The following EVL variants were observed in gnomAD, a reference collection of about 807,000 sequenced individuals.
EVL encodes Enah/Vasp-like, also known as ena/VASP-like protein.
In EVL, 21 loss-of-function variants were observed where a neutral mutation model predicts 59.6. The ratio of observed to expected loss-of-function variants is 0.35; its 90% CI spans 0.25 to 0.51. EVL has a LOEUF of 0.51. Ranked by LOEUF, EVL falls within the 20% of genes least tolerant of loss-of-function variation. The probability of loss-of-function intolerance (pLI) is 0.97; values close to 1 mark genes in which losing one functional copy is unlikely to be tolerated. For missense variants in EVL, 462 were observed against 546.6 expected, an observed-to-expected ratio of 0.85 and a Z score of 1.54; for synonymous variants, 198 against 203.5, an observed-to-expected ratio of 0.97 and a Z score of 0.23.
chr14:100,106,703 G>A (rs763083908), intron 3 of EVL: 1 of 397,544 alleles, frequency 2.5e-6, no homozygotes, highest in Non-Finnish European at 4.4e-6. Flanking sequence ...AGGACCATCG[G>A]GCCTGAGAGG....
At chr14:99,983,097 G>A (rs552006474) in intron 1 of EVL, among the ~76,000 whole-genome samples, 1 of 152,282 alleles carries the variant, frequency 6.6e-6, no homozygotes, top group Non-Finnish European at 1.5e-5. Flanking sequence ...TATCTTCCAT[G>A]AGGATATGGG....
At chr14:100,094,808 G>A (rs1415238783) in intron 2 of EVL, among the ~76,000 whole-genome samples, 6 of 151,750 alleles carry the variant, frequency 4.0e-5, no homozygotes, top group South Asian at 2.1e-4. Context: ...TTGGGAGGCC[G>A]AGGCGGGCAG....
At chr14:100,015,265 C>T (rs992791627) in intron 1 of EVL, among the ~76,000 whole-genome samples, 3 of 152,180 alleles carry the variant, frequency 2.0e-5, no homozygotes, top group African/African-American at 2.4e-5. Context: ...TTGACCATTT[C>T]GTATGAAAAG....
At chr14:99,983,253 A>AAGGCCGGGCGCGGT (rs2060819396) in intron 1 of EVL, among the ~76,000 whole-genome samples, 1 of 152,216 alleles carries the variant, frequency 6.6e-6, no homozygotes, top group Non-Finnish European at 1.5e-5. Flanking sequence ...AAGATGAAAT[A>AAGGCCGGGCGCGGT]GACAAAAGAA....
chr14:100,075,644 C>T (rs143629290), intron 1 of EVL, among the ~76,000 whole-genome samples: 1 of 152,326 alleles, frequency 6.6e-6, no homozygotes, highest in African/African-American at 2.4e-5. Flanking sequence ...AGACATGGGC[C>T]TGTTCTCCAG....
intron 1 of EVL, among the ~76,000 whole-genome samples, chr14:100,013,813 G>A (rs548535119): frequency 5.6e-4 from 85 of 152,282 alleles, no homozygotes; most frequent in African/African-American, 1.5e-3. Flanking sequence ...CAGATTGTGC[G>A]GGAGCCAAAT....
At chr14:99,988,860 C>G (rs1349495555) in intron 1 of EVL, among the ~76,000 whole-genome samples, 1 of 152,100 alleles carries the variant, frequency 6.6e-6, no homozygotes, top group East Asian at 1.9e-4. Flanking sequence ...CCAGAATAGG[C>G]AAATCTATAG....
At chr14:100,055,542 A>G (rs995759905) in intron 1 of EVL, among the ~76,000 whole-genome samples, 10 of 152,334 alleles carry the variant, frequency 6.6e-5, no homozygotes, top group Admixed American at 5.2e-4. Context: ...TCTTCCTTAC[A>G]TGTATATGAT....
At chr14:100,015,585 A>G (rs1401579206) in intron 1 of EVL, among the ~76,000 whole-genome samples, 1 of 152,184 alleles carries the variant, frequency 6.6e-6, no homozygotes, top group Non-Finnish European at 1.5e-5. Context: ...GGAGAGCCCC[A>G]CAGATCATTA....
chr14:100,026,572 G>C (rs1238514324), intron 1 of EVL, among the ~76,000 whole-genome samples: 4 of 152,180 alleles, frequency 2.6e-5, no homozygotes, highest in Non-Finnish European at 5.9e-5. Context: ...TTCTAGAAAA[G>C]GAGCAGAGGG....
chr14:100,002,009 T>C (rs939404484), intron 1 of EVL, among the ~76,000 whole-genome samples: 24 of 152,150 alleles, frequency 1.6e-4, no homozygotes, highest in African/African-American at 5.8e-4. Context: ...GAGAAACAAA[T>C]ATCCTCCAAA....
rs920585275 is a variant in EVL at position 100,047,809 on chromosome 14, A to G, written c.6-36878A>G. Among the ~76,000 whole-genome samples the G allele has an allele frequency of 3.3e-5, 5 of 152,306 alleles. No individual in the cohort carries two copies. In the South Asian group the frequency reaches 1.0e-3, roughly 32 times the overall value. On this transcript the variant is annotated intron_variant, in intron 1 of 13. Transcript: ENST00000402714. Reference sequence around the variant, plus strand: ...GGACACGTGGGTAGAAAGTCCAGAAATAGGTCCCGACAAAAATGCCAAGTG... The same window carrying G: ...GGACACGTGGGTAGAAAGTCCAGAAGTAGGTCCCGACAAAAATGCCAAGTG...
At chr14:100,009,700 G>C (rs959351150) in intron 1 of EVL, among the ~76,000 whole-genome samples, 1 of 152,152 alleles carries the variant, frequency 6.6e-6, no homozygotes, top group African/African-American at 2.4e-5. Flanking sequence ...CCAAATATGG[G>C]TGACCATGGC....
chr14:100,098,384 T>C (rs988540104), intron 3 of EVL, among the ~76,000 whole-genome samples: 2 of 151,982 alleles, frequency 1.3e-5, no homozygotes, highest in Admixed American at 6.6e-5. Context: ...CCCGTAGTGC[T>C]GGGAAGAGGG....
intron 3 of EVL, among the ~76,000 whole-genome samples, chr14:100,110,376 GA>G (rs796882861): frequency 1.2e-3 from 173 of 141,234 alleles, no homozygotes; most frequent in Middle Eastern, 3.8e-3. Context: ...GCTGTCTCAG[GA>G]AAAAAAAAAA....
intron 2 of EVL, among the ~76,000 whole-genome samples, chr14:100,089,750 C>CA (rs1401799964): frequency 6.6e-6 from 1 of 152,130 alleles, no homozygotes; most frequent in Non-Finnish European, 1.5e-5. Flanking sequence ...AGTGGGACTC[C>CA]AAAATCCACC....
chr14:100,101,758 G>A (rs1419366389), intron 3 of EVL, among the ~76,000 whole-genome samples: 1 of 152,238 alleles, frequency 6.6e-6, no homozygotes, highest in Non-Finnish European at 1.5e-5. Flanking sequence ...CCACTCCTCA[G>A]ACTTCATAAT....
intron 2 of EVL, among the ~76,000 whole-genome samples, chr14:100,087,349 C>T (rs1265791105): frequency 6.6e-6 from 1 of 152,206 alleles, no homozygotes; most frequent in Non-Finnish European, 1.5e-5. Context: ...TGCAGTGGCT[C>T]ATGCCTGTAA....
rs1486493874 is a variant in EVL at position 100,084,840 on chromosome 14, G to A, written c.165G>A (p.Lys55=). ...ACACCTTCAGAGTCGTTGGAGTCAA[G>A]TTGCAGGATCAGCAGGTCAGTGCTG... ...ASNTFRVVGV[K]LQDQQVVINY... is the part of the protein sequence containing the mutation. The change falls in exon 2 of 14, where the codon AAG becomes AAA. Residue 55 remains lysine, a synonymous_variant. Transcript: ENST00000392920. 1 of 1,614,158 alleles carries A rather than the reference G, an allele frequency of 6.2e-7. No individual in the cohort carries two copies. The highest frequency in any genetic ancestry group is 8.5e-7 in the Non-Finnish European group (1 of 1,180,034).
Sources: gnomAD v4.1 joint callset for allele counts (sites outside exome capture counted in the v4.1 genomes callset) on GRCh38, gnomAD v4.1.1 for gene constraint, MANE v1.5 for transcripts, NCBI Gene and HGNC (gene_info 2026-07-23, HGNC 2026-07-21) for gene names.